Variants in DNAH11 observed in about 807,000 individuals in gnomAD.
The protein encoded by DNAH11 is dynein axonemal heavy chain 11.
In DNAH11, 442 loss-of-function variants were observed where a neutral mutation model predicts 526.0. The observed-to-expected ratio is 0.84, with a 90% confidence interval of 0.78 to 0.91. The LOEUF (loss-of-function observed/expected upper bound fraction) is 0.91. Ranked by LOEUF, DNAH11 falls within the 40% of genes least tolerant of loss-of-function variation. The pLI, the probability that DNAH11 is intolerant of heterozygous loss-of-function variation, is 0.00. For synonymous variants in DNAH11, 2,461 were observed against 1,935.9 expected (o/e 1.27, Z -7.12); for missense variants, 6,989 against 5,448.7 (o/e 1.28, Z -8.90).
At chr7:21,792,914 T>A (rs1168356062) in intron 61 of DNAH11, among the ~76,000 whole-genome samples, 2 of 152,146 alleles carry the variant, frequency 1.3e-5, no homozygotes, top group African/African-American at 4.8e-5. Flanking sequence ...TCTAAAAATT[T>A]TGGGTTTGAT....
At chr7:21,750,086 A>T (rs1348063820) in intron 53 of DNAH11, 136 bp from the exon 54 acceptor site, 4 of 1,222,876 alleles carry the variant, frequency 3.3e-6, no homozygotes, top group Non-Finnish European at 4.5e-6. Flanking sequence ...TAAAAAAGAA[A>T]CATGACGTTT....
intron 9 of DNAH11, among the ~76,000 whole-genome samples, chr7:21,586,651 C>A (rs930354624): frequency 3.9e-5 from 6 of 152,128 alleles, no homozygotes; most frequent in Admixed American, 3.9e-4. Flanking sequence ...TTAGGGAATA[C>A]CTGTTATTTC....
Position 21,696,987 on chromosome 7 carries a change from G to T in DNAH11, c.6042-1088G>T, listed in dbSNP as rs186986517. On this transcript the variant is annotated intron_variant, in intron 35 of 81. Transcript: ENST00000409508. ...TTCATCTTCTGGTGTCATGTGAAGA[G>T]TAATAACTGTGTGAAAAAATATGGG... is the stretch of plus-strand genomic sequence containing the variant. Among the ~76,000 whole-genome samples, 6 of 152,248 alleles carry T rather than the reference G, an allele frequency of 3.9e-5. No homozygotes were observed. The East Asian group carries it at 9.7e-4, about 25-fold the overall frequency.
intron 35 of DNAH11, among the ~76,000 whole-genome samples, chr7:21,695,453 A>G (rs1022815739): frequency 6.6e-6 from 1 of 152,198 alleles, no homozygotes; most frequent in African/African-American, 2.4e-5. Flanking sequence ...ATCTACAACC[A>G]TCTGATCTTT....
intron 36 of DNAH11, among the ~76,000 whole-genome samples, chr7:21,701,302 T>C (rs901222233): frequency 6.6e-5 from 10 of 151,742 alleles, no homozygotes; most frequent in Non-Finnish European, 1.5e-4. Flanking sequence ...TTTTTTTTTT[T>C]TTTTTGAGAC....
intron 9 of DNAH11, among the ~76,000 whole-genome samples, chr7:21,586,137 ATGTATTTTCTCTT>A (rs1332548060): frequency 6.6e-6 from 1 of 152,120 alleles, no homozygotes; most frequent in Non-Finnish European, 1.5e-5. Flanking sequence ...TATTTTCTCT[ATGTATTTTCTCTT>A]GAAAACTTGG....
At chr7:21,757,083 A>G (rs1176181095) in intron 54 of DNAH11, among the ~76,000 whole-genome samples, 1 of 152,168 alleles carries the variant, frequency 6.6e-6, no homozygotes, top group Non-Finnish European at 1.5e-5. Flanking sequence ...TTAGTTATGT[A>G]TTTTACCAAC....
intron 28 of DNAH11, among the ~76,000 whole-genome samples, chr7:21,639,888 A>AT (rs1384561972): frequency 6.6e-6 from 1 of 151,846 alleles, no homozygotes; most frequent in Non-Finnish European, 1.5e-5. Flanking sequence ...TCTCAGAAAA[A>AT]TTTTACTCTA....
At chr7:21,849,814 T>C (rs891606054) in intron 66 of DNAH11, among the ~76,000 whole-genome samples, 25 of 152,166 alleles carry the variant, frequency 1.6e-4, no homozygotes, top group Non-Finnish European at 4.4e-5. Flanking sequence ...TTTATCCTGC[T>C]TAATGTTCTA....
At chr7:21,752,905 G>A (rs1334068591) in intron 54 of DNAH11, among the ~76,000 whole-genome samples, 1 of 152,038 alleles carries the variant, frequency 6.6e-6, no homozygotes, top group Non-Finnish European at 1.5e-5. Flanking sequence ...GTAGAGACGG[G>A]GTTTCACCAT....
rs182454957 is a variant in DNAH11, at chr7:21,881,586, G to A, written c.12387+693G>A. Reference sequence around the variant, plus strand: ...GGATTTTCTAGCTTAATCCTCACAAGGGAAACTTTTTTCATTAAGTTAAAT... The same window carrying A: ...GGATTTTCTAGCTTAATCCTCACAAAGGAAACTTTTTTCATTAAGTTAAAT... On this transcript the variant is annotated intron_variant, in intron 75 of 81. Coordinates refer to ENST00000409508, the MANE Select transcript of DNAH11 (RefSeq NM_001277115.2). Among the ~76,000 whole-genome samples the A allele has an allele frequency of 1.3e-3, 194 of 152,322 alleles. 2 individuals are homozygous for A. Among genetic ancestry groups the A allele is most frequent in the African/African-American group, 4.5e-3 (186 of 41,566 alleles).
At chr7:21,862,117 A>G (rs1437931132) in intron 69 of DNAH11, 94 bp downstream of exon 69, 5 of 1,209,162 alleles carry the variant, frequency 4.1e-6, no homozygotes, top group East Asian at 2.8e-5. Flanking sequence ...GCAAAATATA[A>G]TAGACTTTTT....
At chr7:21,555,135 C>G (rs1249072464) in intron 2 of DNAH11, among the ~76,000 whole-genome samples, 4 of 152,000 alleles carry the variant, frequency 2.6e-5, no homozygotes, top group Non-Finnish European at 5.9e-5. Context: ...GAGAGTGTAG[C>G]CCATCTCCTC....
intron 62 of DNAH11, among the ~76,000 whole-genome samples, chr7:21,803,815 G>C (rs1032505346): frequency 6.7e-6 from 1 of 150,370 alleles, no homozygotes; most frequent in Non-Finnish European, 1.5e-5. Context: ...GAAAAGTGGG[G>C]AATGGGGCTG....
chr7:21,842,477 A>G lies in DNAH11; in HGVS notation c.10692-67A>G, dbSNP rs72657398. 8.4e-3 allele frequency: 11,252 copies of G among 1,331,840 alleles called. 63 individuals carry two copies. Among genetic ancestry groups the G allele is most frequent in the Non-Finnish European group, 1.0e-2 (9,656 of 969,678 alleles). The allele number at this position is 1,331,840 out of a possible 1,614,324, so 82.5% of individuals were successfully genotyped here. ...GTCCATTATAAGAATACAGGAATGGAATGACACCGTAGTATCAGTTATGGG... is the reference window on the plus strand; with the variant it reads ...GTCCATTATAAGAATACAGGAATGGGATGACACCGTAGTATCAGTTATGGG... On this transcript the variant is annotated intron_variant, in intron 65 of 81. Coordinates refer to ENST00000409508, the MANE Select transcript of DNAH11 (RefSeq NM_001277115.2).
At chr7:21,799,050 A>G (rs1788843910) in intron 61 of DNAH11, among the ~76,000 whole-genome samples, 1 of 152,152 alleles carries the variant, frequency 6.6e-6, no homozygotes, top group Non-Finnish European at 1.5e-5. Flanking sequence ...TTTGAGAACC[A>G]TTGCCTTCTA....
chr7:21,572,582 A>G (rs1783936150), intron 8 of DNAH11, among the ~76,000 whole-genome samples: 1 of 152,200 alleles, frequency 6.6e-6, no homozygotes, highest in African/African-American at 2.4e-5. Context: ...GTAGTTTGCC[A>G]AGAACAGCGA....
chr7:21,893,797 T>A (rs575330943), intron 77 of DNAH11, among the ~76,000 whole-genome samples: 2 of 152,330 alleles, frequency 1.3e-5, no homozygotes, highest in African/African-American at 4.8e-5. Context: ...GGTCTAGGAA[T>A]TTTAGGATGC....
intron 56 of DNAH11, among the ~76,000 whole-genome samples, chr7:21,775,779 C>G (rs2127980492): frequency 1.3e-5 from 2 of 152,240 alleles, no homozygotes; most frequent in South Asian, 4.1e-4. Flanking sequence ...TCCCTGGAGT[C>G]CTGTTGGGCT....
Sources: gnomAD v4.1 joint callset for allele counts (sites outside exome capture counted in the v4.1 genomes callset) on GRCh38, gnomAD v4.1.1 for gene constraint, MANE v1.5 for transcripts, NCBI Gene and HGNC (gene_info 2026-07-23, HGNC 2026-07-21) for gene names.